MRTFB: variants seen among roughly 807,000 people sequenced by gnomAD.
MRTFB encodes the protein myocardin related transcription factor B, also known as myocardin-related transcription factor B.
MRTFB carries 29 observed loss-of-function variants against 104.2 expected under a neutral mutation model. The ratio of observed to expected loss-of-function variants is 0.28; its 90% CI spans 0.21 to 0.38. The LOEUF (loss-of-function observed/expected upper bound fraction) is 0.38. Ranked by LOEUF, MRTFB falls within the 10% of genes least tolerant of loss-of-function variation. MRTFB has a pLI of 1.00. For missense variants in MRTFB, 1,270 were observed against 1,341.6 expected, an observed-to-expected ratio of 0.95 and a Z score of 0.83; for synonymous variants, 535 against 519.5, an observed-to-expected ratio of 1.03 and a Z score of -0.41.
chr16:14,143,371 C>T (rs2038116210), intron 3 of MRTFB: 1 of 151,808 alleles, frequency 6.6e-6, no homozygotes, highest in Non-Finnish European at 1.5e-5. Context: ...TTGTAGGAGA[C>T]AAAATAATTA....
At chr16:14,052,811 T>A in the MRTFB span, among the ~76,000 whole-genome samples, 1 of 151,916 alleles carries the variant, frequency 6.6e-6, no homozygotes, top group South Asian at 2.1e-4. Flanking sequence ...TGCTGTACTA[T>A]CAAACACTTG....
At chr16:13,998,871 C>CAAAAAAAAAA in the MRTFB span, among the ~76,000 whole-genome samples, 9 of 29,688 alleles carry the variant, frequency 3.0e-4, 3 homozygotes, top group Non-Finnish European at 6.4e-4. Context: ...GACTCTGTTT[C>CAAAAAAAAAA]AAAAAAAAAA....
chr16:14,213,499 A>G lies in MRTFB; in HGVS notation c.277-46A>G, dbSNP rs373115063. 28 of 1,319,636 alleles carry G rather than the reference A, an allele frequency of 2.1e-5. No homozygotes were observed. The African/African-American group carries it at 3.2e-4, about 15-fold the overall frequency. 81.7% of individuals were successfully genotyped at this position (1,319,636 alleles called of 1,614,324 possible). A position where few individuals can be genotyped will look rare whatever the true frequency, so the allele number is the denominator to read the frequency against. ...TACCTTAAAGAACATTTAAAACCAC[A>G]ATAAATAATAAATGATTTATGGTAA... On this transcript the variant is annotated intron_variant, in intron 5 of 16. Transcript: ENST00000571589.
intron 8 of MRTFB, among the ~76,000 whole-genome samples, chr16:14,227,979 C>T (rs1242318479): frequency 6.7e-6 from 1 of 148,318 alleles, no homozygotes; most frequent in African/African-American, 2.6e-5. Flanking sequence ...AGGCAAAGGA[C>T]TTGAATAGAC....
At chr16:14,201,511 C>T (rs1273525289) in intron 3 of MRTFB, among the ~76,000 whole-genome samples, 1 of 152,068 alleles carries the variant, frequency 6.6e-6, no homozygotes. Flanking sequence ...TGTTTGCAAG[C>T]AAGTGAAAAC....
chr16:14,239,907 T>G (rs2042686141), intron 9 of MRTFB, among the ~76,000 whole-genome samples: 1 of 152,228 alleles, frequency 6.6e-6, no homozygotes, highest in South Asian at 2.1e-4. Context: ...ATGCAGCTTG[T>G]TTTTTACTAG....
chr16:14,243,877 T>TTTTTTTTTTTTTTTTTTTTTTTG (rs2042894087), intron 10 of MRTFB, among the ~76,000 whole-genome samples: 1 of 147,638 alleles, frequency 6.8e-6, no homozygotes, highest in African/African-American at 2.6e-5. Context: ...TTTTTTTTTT[T>TTTTTTTTTTTTTTTTTTTTTTTG]GAGACAGAGT....
chr16:14,084,198 A>C (rs928205319), intron 2 of MRTFB, among the ~76,000 whole-genome samples: 1 of 152,188 alleles, frequency 6.6e-6, no homozygotes, highest in African/African-American at 2.4e-5. Flanking sequence ...GTTTTCCTCC[A>C]TAGAGAACTC....
chr16:14,246,262 A>G (rs1455613813), intron 11 of MRTFB, among the ~76,000 whole-genome samples: 1 of 152,152 alleles, frequency 6.6e-6, no homozygotes, highest in African/African-American at 2.4e-5. Flanking sequence ...ATTACCCTCT[A>G]AAAACCCTTA....
the MRTFB span, among the ~76,000 whole-genome samples, chr16:14,030,789 C>A: frequency 6.6e-6 from 1 of 152,136 alleles, no homozygotes; most frequent in Non-Finnish European, 1.5e-5. Context: ...GAACCCGGAG[C>A]CACTGGGAAT....
intron 3 of MRTFB, chr16:14,170,466 C>T (rs1248152390): frequency 6.6e-6 from 1 of 151,258 alleles, no homozygotes; most frequent in Admixed American, 6.6e-5. Flanking sequence ...ACTTCTTTGG[C>T]TCATTGTAAG....
upstream of MRTFB, among the ~76,000 whole-genome samples, chr16:14,068,890 TTC>T (rs1016985423): frequency 3.3e-5 from 5 of 151,666 alleles, no homozygotes; most frequent in African/African-American, 7.3e-5. Context: ...GAAAGACAAA[TTC>T]TCTCTTTCTC....
rs114963621 is a variant in MRTFB, at chr16:14,205,078, G to A, written c.155-5165G>A. 3.5e-3 allele frequency among the ~76,000 whole-genome samples: 528 copies of A among 152,228 alleles called. 3 individuals carry two copies. The highest frequency in any genetic ancestry group is 0.012 in the African/African-American group (508 of 41,552). ...TTATCATTGTAGTTACAGAGTGATCGGAGTATGTAGAAGCAGAGAATCAAA... is the reference window on the plus strand; with the variant it reads ...TTATCATTGTAGTTACAGAGTGATCAGAGTATGTAGAAGCAGAGAATCAAA... On this transcript the variant is annotated intron_variant, in intron 3 of 16. Coordinates refer to ENST00000571589, the MANE Select transcript of MRTFB (RefSeq NM_001308142.2).
upstream of MRTFB, among the ~76,000 whole-genome samples, chr16:14,068,963 CTTTTTTTTTT>C (rs989515330): frequency 6.0e-5 from 6 of 100,152 alleles, no homozygotes; most frequent in Middle Eastern, 5.4e-3. Context: ...GATTCTCCAG[CTTTTTTTTTT>C]TTTTTTTTTT....
the MRTFB span, among the ~76,000 whole-genome samples, chr16:14,011,327 C>A: frequency 6.6e-6 from 1 of 152,212 alleles, no homozygotes; most frequent in Non-Finnish European, 1.5e-5. Flanking sequence ...AGTCACTTCA[C>A]CTCTCTGAAC....
intron 3 of MRTFB, among the ~76,000 whole-genome samples, chr16:14,178,511 G>GT (rs2039660293): frequency 6.6e-6 from 1 of 152,100 alleles, no homozygotes; most frequent in African/African-American, 2.4e-5. Flanking sequence ...TACCTTTGCC[G>GT]TAACTCCCAA....
At chr16:14,041,233 T>C in the MRTFB span, among the ~76,000 whole-genome samples, 1 of 152,226 alleles carries the variant, frequency 6.6e-6, no homozygotes, top group Non-Finnish European at 1.5e-5. Flanking sequence ...TGGCCTTTTT[T>C]AAGTGTTCAG....
At position 14,251,747 on chromosome 16, in the gene MRTFB, C is replaced by T. The variant is rs917563118; in HGVS notation, c.2404-115C>T. 2.3e-5 allele frequency: 25 copies of T among 1,081,364 alleles called. 1 individual carries two copies. Among genetic ancestry groups the T allele is most frequent in the South Asian group, 5.9e-5 (4 of 67,306 alleles). The allele number at this position is 1,081,364 out of a possible 1,614,324, so 67.0% of individuals were successfully genotyped here. On this transcript the variant is annotated intron_variant, in intron 13 of 16. Coordinates refer to ENST00000571589, the MANE Select transcript of MRTFB (RefSeq NM_001308142.2). ...TGACCCACAAATCATAAGCTATATA[C>T]TCTGCAGCCCTTTACAGAAAAAGTT...
chr16:14,169,940 A>G (rs1028901291), intron 3 of MRTFB, among the ~76,000 whole-genome samples: 7 of 152,298 alleles, frequency 4.6e-5, no homozygotes, highest in Middle Eastern at 3.4e-3. Flanking sequence ...GCCTTTTTTC[A>G]TCATAGATAT....
Sources: gnomAD v4.1 joint callset for allele counts (sites outside exome capture counted in the v4.1 genomes callset) on GRCh38, gnomAD v4.1.1 for gene constraint, MANE v1.5 for transcripts, NCBI Gene and HGNC (gene_info 2026-07-23, HGNC 2026-07-21) for gene names.